ADAMTS2: variants seen among roughly 807,000 people sequenced by gnomAD.
ADAMTS2 encodes A disintegrin and metalloproteinase with thrombospondin motifs 2.
ADAMTS2 carries 50 observed loss-of-function variants against 123.0 expected under a neutral mutation model. That is an observed-to-expected ratio of 0.41 (90% CI 0.32 to 0.51). The LOEUF (loss-of-function observed/expected upper bound fraction) is 0.51. Among genes scored for constraint, ADAMTS2 ranks in the 20% least tolerant of loss-of-function variants. The pLI is 0.35. For missense variants in ADAMTS2, 1,494 were observed against 1,705.2 expected (o/e 0.88, Z 2.18); for synonymous variants, 678 against 695.4 (o/e 0.98, Z 0.39).
rs1160008957 is a variant in ADAMTS2 at position 179,312,641 on chromosome 5, C to CCAGGCAGAGGAGAAGGCCACGTA, written c.534+31103_534+31125dup. Among the ~76,000 whole-genome samples, 38 of 152,218 alleles carry CCAGGCAGAGGAGAAGGCCACGTA rather than the reference C, an allele frequency of 2.5e-4. No homozygotes were observed. Among genetic ancestry groups the CCAGGCAGAGGAGAAGGCCACGTA allele is most frequent in the Non-Finnish European group, 4.4e-5 (3 of 68,050 alleles). Reference sequence around the variant, plus strand: ...TCAGAGGAAGGCAGAGCAAGATGAGCCAGGCAGAGGAGAAGGCCACGTACA... The same window carrying CCAGGCAGAGGAGAAGGCCACGTA: ...TCAGAGGAAGGCAGAGCAAGATGAGCCAGGCAGAGGAGAAGGCCACGTACAGGCAGAGGAGAAGGCCACGTACA... On this transcript the variant is annotated intron_variant, in intron 2 of 21. Coordinates refer to ENST00000251582, the MANE Select transcript of ADAMTS2 (RefSeq NM_014244.5). This position sits in a 1 kb window ranked among gnomAD's most constrained non-coding sequence, Gnocchi z 4.2.
intron 2 of ADAMTS2, among the ~76,000 whole-genome samples, chr5:179,302,323 C>T (rs888350641): frequency 7.2e-5 from 8 of 111,576 alleles, no homozygotes; most frequent in Admixed American, 5.0e-4. Context: ...ATTAGCCGGG[C>T]GTGGTGGGGG....
At chr5:179,258,843 G>A (rs13182310) in intron 3 of ADAMTS2, among the ~76,000 whole-genome samples, 45,470 of 151,946 alleles carry the variant, frequency 0.3, 7,759 homozygotes, top group Non-Finnish European at 0.36. Flanking sequence ...ATGGGAATAC[G>A]GTTCTGCCAG....
chr5:179,283,972 T>TATC (rs1429931361), intron 2 of ADAMTS2, among the ~76,000 whole-genome samples: 1 of 146,602 alleles, frequency 6.8e-6, no homozygotes, highest in Non-Finnish European at 1.5e-5. Context: ...TTATTATTAT[T>TATC]ATTATTATTA....
chr5:179,236,825 G>A (rs1387521957), intron 3 of ADAMTS2, among the ~76,000 whole-genome samples: 1 of 152,110 alleles, frequency 6.6e-6, no homozygotes, highest in African/African-American at 2.4e-5. Flanking sequence ...TGTATGCTAT[G>A]GACTGAATAT....
At chr5:179,123,589 C>CTAATTTTTTT (rs1003113232) in intron 19 of ADAMTS2, among the ~76,000 whole-genome samples, 1 of 152,180 alleles carries the variant, frequency 6.6e-6, no homozygotes, top group African/African-American at 2.4e-5. Context: ...CCACATCTGG[C>CTAATTTTTTT]TAATTTTTTT....
chr5:179,124,244 C>T (rs995218171), intron 19 of ADAMTS2, among the ~76,000 whole-genome samples: 5 of 152,214 alleles, frequency 3.3e-5, no homozygotes, highest in African/African-American at 1.2e-4. Context: ...TCCTCCAGCT[C>T]TGCCAGCGTG....
At chr5:179,154,538 G>A (rs888433611) in intron 7 of ADAMTS2, among the ~76,000 whole-genome samples, 6 of 152,224 alleles carry the variant, frequency 3.9e-5, no homozygotes, top group African/African-American at 9.6e-5. Context: ...CACCCTGCCT[G>A]GGGGCTTGGA....
rs74327754 is a variant in ADAMTS2 at position 179,115,227 on chromosome 5, G to A, written c.3179-903C>T. The stretch of plus-strand genomic sequence containing the variant: ...AGCCATCTTCTCCCTGGCCCATCTC[G>A]ACCTCTGTCTGCGGCTATGTTCATT... On this transcript the variant is annotated intron_variant, in intron 21 of 21. Transcript: ENST00000251582. This position sits in a 1 kb window ranked among gnomAD's most constrained non-coding sequence, Gnocchi z 4.4. 9.9e-5 allele frequency among the ~76,000 whole-genome samples: 15 copies of A among 151,848 alleles called. No homozygotes were observed. Among genetic ancestry groups the A allele is most frequent in the Non-Finnish European group, 1.9e-4 (13 of 67,998 alleles).
chr5:179,278,950 A>G (rs1766817755), intron 2 of ADAMTS2, among the ~76,000 whole-genome samples: 1 of 151,534 alleles, frequency 6.6e-6, no homozygotes, highest in Non-Finnish European at 1.5e-5. Context: ...AAGGCTTAAC[A>G]GCTCTCCTCT....
At chr5:179,259,964 C>T (rs1338872764) in intron 3 of ADAMTS2, among the ~76,000 whole-genome samples, 3 of 152,226 alleles carry the variant, frequency 2.0e-5, no homozygotes, top group Non-Finnish European at 4.4e-5. Flanking sequence ...AATGGAAACG[C>T]ACAGTCCCTT....
At position 179,113,551 on chromosome 5, in the gene ADAMTS2, G is replaced by C; in HGVS notation, c.*316C>G. On this transcript the variant is annotated 3_prime_UTR_variant, in exon 22 of 22. Transcript: ENST00000251582. Reference sequence around the variant, plus strand: ...CCCAATCACTGCTTAGCAACTTGGGGCCTATTTTTGTTCTCTCAGAGTGAT... The same window carrying C: ...CCCAATCACTGCTTAGCAACTTGGGCCCTATTTTTGTTCTCTCAGAGTGAT... 2.5e-6 allele frequency: 1 copy of C among 394,650 alleles called. No homozygotes were observed. Among genetic ancestry groups the C allele is most frequent in the Non-Finnish European group, 4.7e-6 (1 of 213,658 alleles). 24.4% of individuals were successfully genotyped at this position (394,650 alleles called of 1,614,324 possible). A position where few individuals can be genotyped will look rare whatever the true frequency, so the allele number is the denominator to read the frequency against.
chr5:179,260,310 C>T lies in ADAMTS2; in HGVS notation c.688+12601G>A, dbSNP rs188876832. Among the ~76,000 whole-genome samples, 4 of 152,304 alleles carry T rather than the reference C, an allele frequency of 2.6e-5. No homozygotes were observed. Among genetic ancestry groups the T allele is most frequent in the Admixed American group, 6.5e-5 (1 of 15,306 alleles). On this transcript the variant is annotated intron_variant, in intron 3 of 21. Transcript: ENST00000251582. The surrounding 1 kb of genome is among the most constrained non-coding windows in gnomAD (Gnocchi z 4.2). ...GCACTATGCTTATTCTTTCTTTTCACGGATATTTACGCACCAACCGTGTGC... is the reference window on the plus strand; with the variant it reads ...GCACTATGCTTATTCTTTCTTTTCATGGATATTTACGCACCAACCGTGTGC...
chr5:179,237,103 A>C (rs1168458716), intron 3 of ADAMTS2, among the ~76,000 whole-genome samples: 1 of 151,998 alleles, frequency 6.6e-6, no homozygotes, highest in African/African-American at 2.4e-5. Flanking sequence ...AAAACTAAAA[A>C]TAAAAAAAAA....
chr5:179,324,119 T>C (rs1036708483), intron 2 of ADAMTS2, among the ~76,000 whole-genome samples: 11 of 152,160 alleles, frequency 7.2e-5, no homozygotes, highest in African/African-American at 1.2e-4. Flanking sequence ...AGAAGGTAGG[T>C]CAGTGGTTGC....
At chr5:179,258,813 C>T (rs1766137348) in intron 3 of ADAMTS2, among the ~76,000 whole-genome samples, 1 of 152,128 alleles carries the variant, frequency 6.6e-6, no homozygotes, top group African/African-American at 2.4e-5. Flanking sequence ...TGGGTCCTCC[C>T]AGCCTCACGG....
intron 3 of ADAMTS2, among the ~76,000 whole-genome samples, chr5:179,224,609 G>A (rs971941179): frequency 1.3e-5 from 2 of 152,202 alleles, no homozygotes; most frequent in South Asian, 2.1e-4. Flanking sequence ...GGGATGAGAG[G>A]GCACACTGCC....
chr5:179,215,184 C>G (rs1413561189), intron 3 of ADAMTS2, among the ~76,000 whole-genome samples: 2 of 152,222 alleles, frequency 1.3e-5, no homozygotes, highest in Non-Finnish European at 2.9e-5. Context: ...TGCAGTGGCT[C>G]ACGCCTGTAA....
Position 179,314,365 on chromosome 5 carries a change from TAA to T in ADAMTS2, c.534+29400_534+29401del, listed in dbSNP as rs1242704314. Among the ~76,000 whole-genome samples the T allele has an allele frequency of 2.0e-5, 3 of 152,176 alleles. No individual in the cohort carries two copies. The highest frequency in any genetic ancestry group is 7.2e-5 in the African/African-American group (3 of 41,436). ...AGCTGGGCGGCCGCCAGCTCTGAGCTAAGTGAGCGCAGAGGAGAGTGCAGGGA... is the reference window on the plus strand; with the variant it reads ...AGCTGGGCGGCCGCCAGCTCTGAGCTGTGAGCGCAGAGGAGAGTGCAGGGA... On this transcript the variant is annotated intron_variant, in intron 2 of 21. Coordinates refer to ENST00000251582, the MANE Select transcript of ADAMTS2 (RefSeq NM_014244.5). The surrounding 1 kb of genome is among the most constrained non-coding windows in gnomAD (Gnocchi z 4.5).
chr5:179,279,489 C>T (rs1766832711), intron 2 of ADAMTS2, among the ~76,000 whole-genome samples: 1 of 152,222 alleles, frequency 6.6e-6, no homozygotes, highest in South Asian at 2.1e-4. Flanking sequence ...GGGGCAATGG[C>T]CAGGCAGCCT....
Sources: gnomAD v4.1 joint callset for allele counts (sites outside exome capture counted in the v4.1 genomes callset) on GRCh38, gnomAD v4.1.1 for gene constraint, Gnocchi (gnomAD v3.1) non-coding constraint, MANE v1.5 for transcripts, NCBI Gene and HGNC (gene_info 2026-07-23, HGNC 2026-07-21) for gene names.